CELF2: variants seen among roughly 807,000 people sequenced by gnomAD.
CELF2 encodes the protein CUGBP Elav-like family member 2, also known as CUG triplet repeat RNA-binding protein 2.
In CELF2, 8 loss-of-function variants were observed where a neutral mutation model predicts 62.6. The ratio of observed to expected loss-of-function variants is 0.13; its 90% confidence interval spans 0.07 to 0.23. The LOEUF (loss-of-function observed/expected upper bound fraction) is 0.23, where lower values mean the gene tolerates loss of function less well. Among genes scored for constraint, CELF2 ranks in the 10% least tolerant of loss-of-function variants. The pLI is 1.00. For missense variants in CELF2, 333 were observed against 671.0 expected (o/e 0.50, Z 5.56); for synonymous variants, 258 against 250.0 (o/e 1.03, Z -0.30).
intron 1 of CELF2, among the ~76,000 whole-genome samples, chr10:10,819,493 C>T (rs1479952801): frequency 6.6e-6 from 1 of 152,050 alleles, no homozygotes; most frequent in Non-Finnish European, 1.5e-5. Flanking sequence ...CACTTTTAAC[C>T]CTCATTGTTC....
At chr10:10,896,790 T>G (rs1327076140) in intron 1 of CELF2, among the ~76,000 whole-genome samples, 1 of 152,176 alleles carries the variant, frequency 6.6e-6, no homozygotes, top group Non-Finnish European at 1.5e-5. Context: ...AGAATAAATT[T>G]CTGTTGTTTG....
the CELF2 span, among the ~76,000 whole-genome samples, chr10:10,681,322 T>G: frequency 6.6e-6 from 1 of 152,272 alleles, no homozygotes; most frequent in South Asian, 2.1e-4. Flanking sequence ...GCGTCAGTTG[T>G]TAGGGTCTCA....
intron 1 of CELF2, among the ~76,000 whole-genome samples, chr10:10,858,836 G>C (rs547005710): frequency 6.6e-6 from 1 of 151,962 alleles, no homozygotes; most frequent in South Asian, 2.1e-4. Context: ...TTATTCAGAA[G>C]ATTCAGAAAG....
chr10:11,110,489 C>T lies in CELF2; in HGVS notation c.75-54997C>T, dbSNP rs2054852534. Among the ~76,000 whole-genome samples the T allele has an allele frequency of 6.6e-6, 1 of 152,164 alleles. No homozygotes were observed. Among genetic ancestry groups the T allele is most frequent in the Non-Finnish European group, 1.5e-5 (1 of 68,026 alleles). ...GACAAAGCTTCTGCTTATTTTTCTG[C>T]TTCGTCTAAACACTGCTAGATTGAT... On this transcript the variant is annotated intron_variant, in intron 1 of 12. Transcript: ENST00000633077. The surrounding 1 kb of genome is among the most constrained non-coding windows in gnomAD (Gnocchi z 4.0).
the CELF2 span, among the ~76,000 whole-genome samples, chr10:10,710,733 G>A: frequency 1.3e-5 from 2 of 152,026 alleles, no homozygotes; most frequent in Admixed American, 6.5e-5. Context: ...AAAACTTCAC[G>A]AGAAACACTA....
intron 1 of CELF2, among the ~76,000 whole-genome samples, chr10:10,908,087 C>T (rs1316432370): frequency 2.0e-5 from 3 of 151,920 alleles, no homozygotes; most frequent in Non-Finnish European, 2.9e-5. Flanking sequence ...CCGGCCTGCC[C>T]GTACAGTCAG....
chr10:10,534,697 A>G, the CELF2 span, among the ~76,000 whole-genome samples: 1 of 152,348 alleles, frequency 6.6e-6, no homozygotes, highest in South Asian at 2.1e-4. Flanking sequence ...GAAGAAAAGA[A>G]TGGATTCACT....
At chr10:10,895,503 G>A (rs2062481169) in intron 1 of CELF2, among the ~76,000 whole-genome samples, 1 of 152,014 alleles carries the variant, frequency 6.6e-6, no homozygotes, top group Non-Finnish European at 1.5e-5. Flanking sequence ...AACAAAGAAG[G>A]ACCAGTAGTT....
intron 1 of CELF2, among the ~76,000 whole-genome samples, chr10:10,872,624 A>G (rs2060820868): frequency 6.6e-6 from 1 of 152,078 alleles, no homozygotes; most frequent in African/African-American, 2.4e-5. Flanking sequence ...GCCGACTCTA[A>G]TGTAAACATG....
chr10:10,915,731 G>A (rs1338247745), intron 1 of CELF2, among the ~76,000 whole-genome samples: 3 of 152,124 alleles, frequency 2.0e-5, no homozygotes, highest in African/African-American at 4.8e-5. Context: ...CACGGCACCC[G>A]GCCCTTAGGG....
intron 2 of CELF2, chr10:11,168,955 T>A (rs369098974): frequency 6.6e-6 from 1 of 152,258 alleles, no homozygotes; most frequent in African/African-American, 2.4e-5. Flanking sequence ...AGGGTTCATC[T>A]GTTTGGTCTG....
chr10:10,999,867 G>T (rs962810232), intron 2 of CELF2, among the ~76,000 whole-genome samples: 4 of 152,174 alleles, frequency 2.6e-5, no homozygotes, highest in African/African-American at 7.2e-5. Context: ...TTCACATTTG[G>T]ATGCCCAGAT....
At chr10:10,533,460 TA>T in the CELF2 span, among the ~76,000 whole-genome samples, 1 of 152,218 alleles carries the variant, frequency 6.6e-6, no homozygotes, top group Non-Finnish European at 1.5e-5. Context: ...TATGGGTCAT[TA>T]ATTTTTTACA....
chr10:11,219,905 A>C (rs1190097263), intron 3 of CELF2, among the ~76,000 whole-genome samples: 1 of 152,264 alleles, frequency 6.6e-6, no homozygotes, highest in African/African-American at 2.4e-5. Flanking sequence ...TGAAGGCACA[A>C]CTTAATTTAA....
At chr10:11,228,718 CAAAAAAAAAAAAAA>C (rs56167230) in intron 3 of CELF2, among the ~76,000 whole-genome samples, 21 of 135,154 alleles carry the variant, frequency 1.6e-4, no homozygotes, top group Non-Finnish European at 1.4e-4. Context: ...GCGCCCCTCG[CAAAAAAAAAAAAAA>C]AAAAAAAAAA....
chr10:11,112,900 G>A (rs986875567), intron 1 of CELF2, among the ~76,000 whole-genome samples: 56 of 152,124 alleles, frequency 3.7e-4, no homozygotes, highest in African/African-American at 1.3e-3. Context: ...TTCCACATGC[G>A]TAGCCCATGT....
At chr10:10,570,935 G>A in the CELF2 span, among the ~76,000 whole-genome samples, 35 of 152,196 alleles carry the variant, frequency 2.3e-4, no homozygotes, top group Non-Finnish European at 4.4e-4. Context: ...TTGAAAGTGC[G>A]CTCTGAATAC....
chr10:10,648,580 C>T, the CELF2 span, among the ~76,000 whole-genome samples: 1 of 152,164 alleles, frequency 6.6e-6, no homozygotes, highest in Non-Finnish European at 1.5e-5. Context: ...CACACTGAAC[C>T]ATGCAAGTCT....
At chr10:10,522,631 G>T in the CELF2 span, among the ~76,000 whole-genome samples, 7 of 152,120 alleles carry the variant, frequency 4.6e-5, no homozygotes, top group African/African-American at 9.7e-5. Flanking sequence ...ATGCAATGGC[G>T]CAATCTTGGC....
Sources: gnomAD v4.1 joint callset for allele counts (sites outside exome capture counted in the v4.1 genomes callset) on GRCh38, gnomAD v4.1.1 for gene constraint, Gnocchi (gnomAD v3.1) non-coding constraint, MANE v1.5 for transcripts, NCBI Gene and HGNC (gene_info 2026-07-23, HGNC 2026-07-21) for gene names.